Variants in HAPSTR1 observed in about 807,000 individuals in gnomAD.
The protein encoded by HAPSTR1 is HUWE1 associated protein modifying stress responses, also known as HUWE1-associated protein modifying stress responses 1.
chr16:9,092,632 C>T, the HAPSTR1 span, among the ~76,000 whole-genome samples: 1 of 151,646 alleles, frequency 6.6e-6, no homozygotes, highest in African/African-American at 2.4e-5. Flanking sequence ...TGCCCTGAGC[C>T]GGCCTCGGGG....
the HAPSTR1 span, chr16:9,092,401 C>T: frequency 1.2e-6 from 1 of 802,522 alleles, no homozygotes; most frequent in Non-Finnish European, 1.6e-6. Flanking sequence ...CCGGTGGCTC[C>T]GCGGCCCTGC....
chr16:9,092,479 C>T, the HAPSTR1 span, among the ~76,000 whole-genome samples: 5 of 152,214 alleles, frequency 3.3e-5, no homozygotes, highest in African/African-American at 1.2e-4. Flanking sequence ...CCAGAGCCGG[C>T]GTGGGGGTAG....
chr16:9,121,140 G>C, the HAPSTR1 span: 3 of 152,234 alleles, frequency 2.0e-5, no homozygotes, highest in Non-Finnish European at 4.4e-5. Flanking sequence ...TTTTAGTAGA[G>C]ACGGGATTTC....
At chr16:9,103,530 G>A in the HAPSTR1 span, 4 of 383,094 alleles carry the variant, frequency 1.0e-5, no homozygotes, top group African/African-American at 4.1e-5. Context: ...AGAATTTATC[G>A]CTTTACACTT....
At chr16:9,091,968 C>A in the HAPSTR1 span, 6 of 1,244,208 alleles carry the variant, frequency 4.8e-6, no homozygotes, top group South Asian at 6.3e-5. Flanking sequence ...GGCCGCTTGA[C>A]GACGACGCTC....
At chr16:9,117,109 T>G in the HAPSTR1 span, 1 of 729,306 alleles carries the variant, frequency 1.4e-6, no homozygotes, top group Non-Finnish European at 2.2e-6. Flanking sequence ...TTCTTAAAAC[T>G]ATAATCCTAG....
the HAPSTR1 span, chr16:9,110,052 G>A: frequency 6.6e-6 from 1 of 151,908 alleles, no homozygotes; most frequent in African/African-American, 2.4e-5. Context: ...GCAATTTCTG[G>A]CCTAATAGAA....
At chr16:9,106,815 T>C in the HAPSTR1 span, 1 of 152,156 alleles carries the variant, frequency 6.6e-6, no homozygotes, top group African/African-American at 2.4e-5. Flanking sequence ...AAAATAACAT[T>C]ATTATAAATT....
At chr16:9,092,186 G>C in the HAPSTR1 span, 1 of 1,580,494 alleles carries the variant, frequency 6.3e-7, no homozygotes, top group East Asian at 2.3e-5. Context: ...GGAGGCGGCG[G>C]CCGCCGCGCA....
the HAPSTR1 span, chr16:9,116,933 C>CTGG: frequency 6.2e-7 from 1 of 1,610,876 alleles, no homozygotes; most frequent in Non-Finnish European, 8.5e-7. Flanking sequence ...TTTTCACACC[C>CTGG]ACCATGCTGC....
the HAPSTR1 span, among the ~76,000 whole-genome samples, chr16:9,098,517 A>G: frequency 5.3e-5 from 8 of 152,154 alleles, no homozygotes; most frequent in African/African-American, 1.9e-4. Flanking sequence ...CTAAAGAAAC[A>G]GTACATTTTC....
At chr16:9,105,340 C>G in the HAPSTR1 span, 1 of 152,116 alleles carries the variant, frequency 6.6e-6, no homozygotes, top group Admixed American at 6.5e-5. Context: ...TGCATTCTTA[C>G]TCTTAGGGTT....
the HAPSTR1 span, chr16:9,120,843 A>G: frequency 2.6e-5 from 4 of 151,692 alleles, no homozygotes; most frequent in East Asian, 1.9e-4. Flanking sequence ...ACACCTGGCT[A>G]TTTTTTGTAT....
the HAPSTR1 span, among the ~76,000 whole-genome samples, chr16:9,095,471 C>T: frequency 6.6e-6 from 1 of 151,996 alleles, no homozygotes; most frequent in Non-Finnish European, 1.5e-5. Context: ...GTGGATACTT[C>T]TAAGTGGGCA....
At chr16:9,096,161 T>C in the HAPSTR1 span, among the ~76,000 whole-genome samples, 3 of 152,190 alleles carry the variant, frequency 2.0e-5, no homozygotes, top group Non-Finnish European at 4.4e-5. Context: ...CTTGACTTAA[T>C]TAACTTAAAT....
chr16:9,102,154 A>G, the HAPSTR1 span, among the ~76,000 whole-genome samples: 1 of 152,226 alleles, frequency 6.6e-6, no homozygotes, highest in Non-Finnish European at 1.5e-5. Context: ...GAAAAGTAAT[A>G]GAGAAATGTA....
the HAPSTR1 span, among the ~76,000 whole-genome samples, chr16:9,093,372 TTGAGCTGGAAGACGGC>T: frequency 6.6e-6 from 1 of 152,278 alleles, no homozygotes; most frequent in African/African-American, 2.4e-5. Context: ...TTGAGAAGCG[TTGAGCTGGAAGACGGC>T]TGAGCCTTGC....
the HAPSTR1 span, chr16:9,113,130 T>C: frequency 1.3e-5 from 2 of 152,032 alleles, no homozygotes; most frequent in African/African-American, 2.4e-5. Context: ...CTAAAGCATC[T>C]TCTAGTAGCT....
chr16:9,119,786 T>G, the HAPSTR1 span: 1 of 152,242 alleles, frequency 6.6e-6, no homozygotes, highest in Non-Finnish European at 1.5e-5. Flanking sequence ...TAAAAAAGAA[T>G]TAGCTTTCTA....
Sources: gnomAD v4.1 joint callset for allele counts (sites outside exome capture counted in the v4.1 genomes callset) on GRCh38, gnomAD v4.1.1 for gene constraint, MANE v1.5 for transcripts, NCBI Gene and HGNC (gene_info 2026-07-23, HGNC 2026-07-21) for gene names.